Variants in DCC observed in about 807,000 individuals in gnomAD.
The protein encoded by DCC is DCC netrin 1 receptor, also known as netrin receptor DCC.
Under a neutral mutation model 172.5 loss-of-function variants are expected in DCC, and 58 were observed. That is an observed-to-expected ratio of 0.34 (90% CI 0.27 to 0.42). DCC has a LOEUF of 0.42. Among genes scored for constraint, DCC ranks in the 10% least tolerant of loss-of-function variants. The pLI is 1.00. For missense variants in DCC, 1,740 were observed against 1,791.0 expected (o/e 0.97, Z 0.51); for synonymous variants, 709 against 644.5 (o/e 1.10, Z -1.52).
rs529274230 is a variant in DCC at position 52,689,296 on chromosome 18, T to C, written c.92-62758T>C. ...GAAATTCAGGGAAGCAGTAGGTTAT[T>C]GAAAGCATCAGGATTCAAGAAAAAT... On this transcript the variant is annotated intron_variant, in intron 1 of 28. Transcript: ENST00000442544. Among the ~76,000 whole-genome samples, 201 of 152,254 alleles carry C rather than the reference T, an allele frequency of 1.3e-3. 2 individuals are homozygous for C. The highest frequency in any genetic ancestry group is 4.0e-4 in the Non-Finnish European group (27 of 68,030).
intron 16 of DCC, among the ~76,000 whole-genome samples, chr18:53,390,425 C>A (rs1908474590): frequency 6.6e-6 from 1 of 152,112 alleles, no homozygotes; most frequent in African/African-American, 2.4e-5. Flanking sequence ...AGCCAGCAGT[C>A]ACTCCACTTT....
chr18:52,971,321 T>G (rs1176645743), intron 5 of DCC, among the ~76,000 whole-genome samples: 2 of 152,086 alleles, frequency 1.3e-5, no homozygotes, highest in African/African-American at 4.8e-5. Flanking sequence ...GCCCAGAAAA[T>G]TAGCTTGCTC....
intron 5 of DCC, among the ~76,000 whole-genome samples, chr18:53,020,078 A>G (rs1233897987): frequency 2.0e-5 from 3 of 152,188 alleles, no homozygotes; most frequent in Admixed American, 1.3e-4. Context: ...CTTAGTTTCA[A>G]AACTACATCT....
intron 7 of DCC, among the ~76,000 whole-genome samples, chr18:53,089,752 T>G (rs907769678): frequency 7.9e-5 from 12 of 152,180 alleles, no homozygotes; most frequent in Non-Finnish European, 1.6e-4. Flanking sequence ...ACTTTCTAAG[T>G]GCTTTGAAGT....
At chr18:53,488,614 T>C (rs1018209810) in intron 26 of DCC, among the ~76,000 whole-genome samples, 1 of 152,190 alleles carries the variant, frequency 6.6e-6, no homozygotes, top group African/African-American at 2.4e-5. Context: ...TGGTGCAGCA[T>C]GTGAAACTCT....
intron 5 of DCC, among the ~76,000 whole-genome samples, chr18:53,035,374 T>C (rs1436714824): frequency 6.6e-6 from 1 of 152,116 alleles, no homozygotes; most frequent in Non-Finnish European, 1.5e-5. Flanking sequence ...CCTAAAACAG[T>C]GCTGAAAGCA....
intron 12 of DCC, among the ~76,000 whole-genome samples, chr18:53,293,274 C>A (rs891930442): frequency 3.3e-5 from 5 of 152,144 alleles, no homozygotes; most frequent in African/African-American, 9.7e-5. Flanking sequence ...TTCAGAAATG[C>A]ACACTACACT....
At chr18:52,881,072 T>A (rs1172947753) in intron 2 of DCC, among the ~76,000 whole-genome samples, 1 of 152,158 alleles carries the variant, frequency 6.6e-6, no homozygotes, top group Non-Finnish European at 1.5e-5. Flanking sequence ...AGAGATGATA[T>A]CTCATTGTAG....
At chr18:52,446,010 C>A (rs1315909248) in intron 1 of DCC, among the ~76,000 whole-genome samples, 1 of 152,202 alleles carries the variant, frequency 6.6e-6, no homozygotes, top group Non-Finnish European at 1.5e-5. Context: ...CGGCTCACTG[C>A]AAGCTCCGCC....
At chr18:53,313,050 G>GAGGGAAGGGAAGAAGGA (rs151308003) in intron 13 of DCC, among the ~76,000 whole-genome samples, 53,014 of 102,372 alleles carry the variant, frequency 0.52, 13,240 homozygotes, top group Non-Finnish European at 0.65. Flanking sequence ...GGGAAGAAGG[G>GAGGGAAGGGAAGAAGGA]AGGGAAGGAA....
chr18:52,608,199 T>C (rs922469922), intron 1 of DCC, among the ~76,000 whole-genome samples: 1 of 152,154 alleles, frequency 6.6e-6, no homozygotes, highest in Admixed American at 6.6e-5. Flanking sequence ...TTTCTAATAC[T>C]CTGTTTTAAG....
chr18:52,917,116 CA>C (rs36010390), intron 3 of DCC, among the ~76,000 whole-genome samples: 148 of 82,412 alleles, frequency 1.8e-3, no homozygotes, highest in African/African-American at 6.2e-3. Flanking sequence ...AACCCCGTCT[CA>C]AAAAAAAAAA....
intron 7 of DCC, among the ~76,000 whole-genome samples, chr18:53,097,797 T>C (rs1038327462): frequency 2.6e-5 from 4 of 152,154 alleles, no homozygotes; most frequent in Non-Finnish European, 4.4e-5. Flanking sequence ...CATGACTTTC[T>C]TTTGTTTGCA....
chr18:52,828,256 A>G (rs2038548944), intron 2 of DCC, among the ~76,000 whole-genome samples: 1 of 152,154 alleles, frequency 6.6e-6, no homozygotes, highest in African/African-American at 2.4e-5. Flanking sequence ...AAACAAATAC[A>G]AGATGTTATA....
chr18:52,784,935 GAGAGAGAGAGAGAGAC>G (rs1171701565), intron 2 of DCC, among the ~76,000 whole-genome samples: 98 of 109,734 alleles, frequency 8.9e-4, no homozygotes, highest in African/African-American at 5.9e-3. Flanking sequence ...GAGAAGGGGG[GAGAGAGAGAGAGAGAC>G]AGAGAGAGAG....
At chr18:53,385,446 C>T (rs1908093856) in intron 15 of DCC, among the ~76,000 whole-genome samples, 1 of 152,170 alleles carries the variant, frequency 6.6e-6, no homozygotes. Flanking sequence ...TTCTTCTTCT[C>T]CCCTACTTTT....
Position 52,927,136 on chromosome 18 carries a change from C to CGT in DCC, c.985+1769_985+1770dup, listed in dbSNP as rs373015996. ...ATATACGTGTATATACACGTATATA[C>CGT]GTGTATATATGTGTATATATACGTA... On this transcript the variant is annotated intron_variant, in intron 5 of 28. Transcript: ENST00000442544. Among the ~76,000 whole-genome samples, 5 of 19,852 alleles carry CGT rather than the reference C, an allele frequency of 2.5e-4. 1 individual carries two copies. Among genetic ancestry groups the CGT allele is most frequent in the African/African-American group, 3.8e-4 (3 of 7,994 alleles). The allele number at this position is 19,852 out of a possible 152,430, so 13.0% of individuals were successfully genotyped here.
chr18:52,370,672 T>A (rs1985081036), intron 1 of DCC, among the ~76,000 whole-genome samples: 1 of 152,152 alleles, frequency 6.6e-6, no homozygotes, highest in Non-Finnish European at 1.5e-5. Context: ...CACATTTACC[T>A]ATGTAACAAA....
intron 12 of DCC, among the ~76,000 whole-genome samples, chr18:53,216,996 G>GTC (rs1165263126): frequency 1.3e-5 from 2 of 151,994 alleles, no homozygotes; most frequent in African/African-American, 2.4e-5. Context: ...ATATTGTAAT[G>GTC]TCTCTTGTTT....
Sources: allele counts gnomAD v4.1 joint callset (sites outside exome capture counted in the v4.1 genomes callset), GRCh38; gene constraint gnomAD v4.1.1; transcripts MANE v1.5; gene names NCBI Gene and HGNC (gene_info 2026-07-23, HGNC 2026-07-21).